The following BTBD7 variants were observed in gnomAD, a reference collection of about 807,000 sequenced individuals.
BTBD7 encodes BTB domain containing 7.
In BTBD7, 38 loss-of-function variants were observed where a neutral mutation model predicts 99.9. The observed-to-expected ratio is 0.38, with a 90% confidence interval of 0.29 to 0.50. The LOEUF is 0.50. Ranked by LOEUF, BTBD7 falls within the 20% of genes least tolerant of loss-of-function variation. The probability of loss-of-function intolerance (pLI) is 0.93; values close to 1 mark genes in which losing one functional copy is unlikely to be tolerated. For synonymous variants in BTBD7, 520 were observed against 511.4 expected (o/e 1.02, Z -0.23); for missense variants, 1,170 against 1,394.6 (o/e 0.84, Z 2.57).
At chr14:93,289,410 A>ACC (rs2052820220) in intron 3 of BTBD7, among the ~76,000 whole-genome samples, 1 of 152,186 alleles carries the variant, frequency 6.6e-6, no homozygotes. Context: ...TTTCCAGAGT[A>ACC]CTTAGTTCCA....
In BTBD7 at chr14:93,241,845, G is replaced by T. The variant is rs1378638025; in HGVS notation, c.*428C>A. 5.8e-6 allele frequency: 1 copy of T among 173,056 alleles called. No individual in the cohort carries two copies. The highest frequency in any genetic ancestry group is 2.4e-5 in the African/African-American group (1 of 41,990). 10.7% of individuals were successfully genotyped at this position (173,056 alleles called of 1,614,324 possible). A position where few individuals can be genotyped will look rare whatever the true frequency, so the allele number is the denominator to read the frequency against. On this transcript the variant is annotated 3_prime_UTR_variant, in exon 11 of 11. Transcript: ENST00000334746. ...TTCGTAAGAAAATACATCTTAGTGT[G>T]CAATCCAATGCACATGGATTGGTAG... is the stretch of plus-strand genomic sequence containing the variant.
At chr14:93,300,766 GTGTGTGTATATATA>G (rs2052991728) in intron 1 of BTBD7, among the ~76,000 whole-genome samples, 10 of 32,140 alleles carry the variant, frequency 3.1e-4, no homozygotes, top group Admixed American at 6.4e-4. Flanking sequence ...GTGTGTGTGT[GTGTGTGTATATATA>G]TATATATTTT....
At chr14:93,254,785 A>G (rs1257790258) in intron 6 of BTBD7, among the ~76,000 whole-genome samples, 3 of 152,256 alleles carry the variant, frequency 2.0e-5, no homozygotes, top group East Asian at 3.8e-4. Flanking sequence ...CACCTAGTAC[A>G]GTGCTTAGCA....
chr14:93,287,792 G>A (rs138990615), intron 3 of BTBD7: 113 of 152,328 alleles, frequency 7.4e-4, no homozygotes, highest in African/African-American at 2.3e-3. Context: ...CTTCCTTCCC[G>A]TGTTGGAGCC....
At chr14:93,320,785 A>T (rs556313285) in intron 1 of BTBD7, among the ~76,000 whole-genome samples, 4 of 152,118 alleles carry the variant, frequency 2.6e-5, no homozygotes, top group Non-Finnish European at 5.9e-5. Context: ...AAAATATGGG[A>T]TACTTTAAAA....
At chr14:93,303,998 G>A (rs1156529781) in intron 1 of BTBD7, among the ~76,000 whole-genome samples, 1 of 152,196 alleles carries the variant, frequency 6.6e-6, no homozygotes, top group East Asian at 1.9e-4. Context: ...CTAGCAGCTA[G>A]AATCCCCCAA....
chr14:93,286,147 A>C (rs2052774570), intron 3 of BTBD7, among the ~76,000 whole-genome samples: 1 of 152,180 alleles, frequency 6.6e-6, no homozygotes, highest in Non-Finnish European at 1.5e-5. Context: ...CTTCCAGAAA[A>C]AATTCTCTAT....
At chr14:93,296,837 T>C (rs1453574862) in intron 1 of BTBD7, among the ~76,000 whole-genome samples, 1 of 152,188 alleles carries the variant, frequency 6.6e-6, no homozygotes, top group Non-Finnish European at 1.5e-5. Context: ...TTATGTGATA[T>C]GATGATTTAA....
At chr14:93,254,930 C>T (rs1173630601) in intron 6 of BTBD7, among the ~76,000 whole-genome samples, 1 of 152,182 alleles carries the variant, frequency 6.6e-6, no homozygotes, top group Non-Finnish European at 1.5e-5. Flanking sequence ...TTCTAAACTA[C>T]ATACAGGGTT....
At chr14:93,310,124 A>G (rs894736687) in intron 1 of BTBD7, among the ~76,000 whole-genome samples, 1 of 152,162 alleles carries the variant, frequency 6.6e-6, no homozygotes, top group Non-Finnish European at 1.5e-5. Context: ...AGTATCAACT[A>G]TATCCCAGTC....
At chr14:93,282,393 C>T (rs1165666411) in intron 3 of BTBD7, among the ~76,000 whole-genome samples, 3 of 147,786 alleles carry the variant, frequency 2.0e-5, no homozygotes, top group African/African-American at 5.0e-5. Flanking sequence ...TGCAGTGGTG[C>T]GATTTCTCAG....
Position 93,262,128 on chromosome 14 carries a change from A to G in BTBD7, c.1372-451T>C, listed in dbSNP as rs1595295178. 2.1e-5 allele frequency among the ~76,000 whole-genome samples: 3 copies of G among 144,282 alleles called. No individual in the cohort carries two copies. The Admixed American group carries it at 2.1e-4, about 10-fold the overall frequency. The allele number at this position is 144,282 out of a possible 152,430, so 94.7% of individuals were successfully genotyped here. On this transcript the variant is annotated intron_variant, in intron 4 of 10. Coordinates refer to ENST00000334746, the MANE Select transcript of BTBD7 (RefSeq NM_001002860.4). ...ACTACAGGTATGTGCTACCACACCCAGCTAATTTTTTTTTTTTTTTTTGAG... is the reference window on the plus strand; with the variant it reads ...ACTACAGGTATGTGCTACCACACCCGGCTAATTTTTTTTTTTTTTTTTGAG...
rs949999161 is a variant in BTBD7, at chr14:93,238,812, T to G, written c.*3461A>C. The G allele has an allele frequency of 1.3e-5, 2 of 152,312 alleles. No homozygotes were observed. Among genetic ancestry groups the G allele is most frequent in the African/African-American group, 4.8e-5 (2 of 41,564 alleles). 9.4% of individuals were successfully genotyped at this position (152,312 alleles called of 1,614,324 possible). A position where few individuals can be genotyped will look rare whatever the true frequency, so the allele number is the denominator to read the frequency against. The stretch of plus-strand genomic sequence containing the variant: ...TTTGCCTTCTGCATCGGCACCTTAA[T>G]GCAGATGTACAAGGACTAAGCTCAT... On this transcript the variant is annotated 3_prime_UTR_variant, in exon 11 of 11. Coordinates refer to ENST00000334746, the MANE Select transcript of BTBD7 (RefSeq NM_001002860.4).
At chr14:93,290,626 T>C (rs2052840304) in intron 3 of BTBD7, among the ~76,000 whole-genome samples, 1 of 149,840 alleles carries the variant, frequency 6.7e-6, no homozygotes, top group African/African-American at 2.4e-5. Context: ...CAAGTAATTC[T>C]CATGCCTCAG....
In BTBD7 at chr14:93,253,635, G is replaced by A. The variant is rs774344955; in HGVS notation, c.1752+12C>T. On this transcript the variant is annotated intron_variant, in intron 7 of 10. Coordinates refer to ENST00000334746, the MANE Select transcript of BTBD7 (RefSeq NM_001002860.4). ...ATAAAGTAGTCTACTATCTTCAAAT[G>A]GTTTTCATTACCTTTGCTTCTTCCA... 5 of 1,607,712 alleles carry A rather than the reference G, an allele frequency of 3.1e-6. No homozygotes were observed. The African/African-American group carries it at 5.3e-5, about 17-fold the overall frequency.
At chr14:93,288,470 T>C (rs776835017) in intron 3 of BTBD7, 28 of 717,826 alleles carry the variant, frequency 3.9e-5, no homozygotes, top group South Asian at 3.0e-4. Context: ...GTCTCACTGA[T>C]TCCATAAAAA....
At chr14:93,287,962 A>T (rs1046471343) in intron 3 of BTBD7, 3 of 152,618 alleles carry the variant, frequency 2.0e-5, no homozygotes, top group Non-Finnish European at 4.4e-5. Context: ...CTTACACTTG[A>T]TTGACTGTTT....
rs951006677 is a variant in BTBD7, at chr14:93,332,833, C to G, written c.-120G>C. 4 of 1,478,266 alleles carry G rather than the reference C, an allele frequency of 2.7e-6. No homozygotes were observed. In the African/African-American group the frequency reaches 5.9e-5, roughly 22 times the overall value. 91.6% of individuals were successfully genotyped at this position (1,478,266 alleles called of 1,614,324 possible). A position where few individuals can be genotyped will look rare whatever the true frequency, so the allele number is the denominator to read the frequency against. On this transcript the variant is annotated 5_prime_UTR_variant, in exon 1 of 11. Coordinates refer to ENST00000334746, the MANE Select transcript of BTBD7 (RefSeq NM_001002860.4). ...AGGGACACTCACCCCGGAGGCTCCT[C>G]CCGCCGCTGCTGCTGCCGCTGGGAC...
chr14:93,247,718 A>G (rs1052620141), intron 9 of BTBD7, among the ~76,000 whole-genome samples: 1 of 152,244 alleles, frequency 6.6e-6, no homozygotes, highest in Non-Finnish European at 1.5e-5. Flanking sequence ...TCACCTAACC[A>G]GATGAAATTA....
Sources: allele counts gnomAD v4.1 joint callset (sites outside exome capture counted in the v4.1 genomes callset), GRCh38; gene constraint gnomAD v4.1.1; transcripts MANE v1.5; gene names NCBI Gene and HGNC (gene_info 2026-07-23, HGNC 2026-07-21).